Variants in XKR6 observed in about 807,000 individuals in gnomAD.
XKR6 encodes the protein XK related 6.
XKR6 carries 22 observed loss-of-function variants against 56.7 expected under a neutral mutation model. The observed-to-expected ratio is 0.39, with a 90% CI of 0.28 to 0.55. XKR6 has a LOEUF of 0.55. XKR6 is among the 20% of genes least tolerant of loss of function. The probability of loss-of-function intolerance (pLI) is 0.66; values close to 1 mark genes in which losing one functional copy is unlikely to be tolerated. For missense variants in XKR6, 852 were observed against 889.0 expected (o/e 0.96, Z 0.53); for synonymous variants, 524 against 387.8 (o/e 1.35, Z -4.13).
At chr8:11,152,495 G>T (rs1801317407) in intron 1 of XKR6, among the ~76,000 whole-genome samples, 1 of 152,130 alleles carries the variant, frequency 6.6e-6, no homozygotes, top group South Asian at 2.1e-4. Context: ...AAGGGAGAAA[G>T]GAAAATTAAA....
At chr8:11,026,740 G>T (rs1192874807) in intron 1 of XKR6, among the ~76,000 whole-genome samples, 2 of 151,014 alleles carry the variant, frequency 1.3e-5, no homozygotes, top group Non-Finnish European at 2.9e-5. Flanking sequence ...TACACACTTA[G>T]ATGGTCTAGC....
At chr8:11,199,279 T>C (rs1301144299) in intron 1 of XKR6, among the ~76,000 whole-genome samples, 2 of 152,254 alleles carry the variant, frequency 1.3e-5, no homozygotes, top group South Asian at 2.1e-4. Flanking sequence ...GACAAAGTTA[T>C]TGCATCTACT....
intron 1 of XKR6, among the ~76,000 whole-genome samples, chr8:11,043,487 C>A (rs907688895): frequency 1.3e-5 from 2 of 152,226 alleles, no homozygotes; most frequent in East Asian, 3.8e-4. Context: ...TCACGTTTGA[C>A]CTTGAGGAGT....
intron 1 of XKR6, chr8:11,124,064 C>G (rs1799623392): frequency 4.4e-6 from 2 of 454,456 alleles, no homozygotes; most frequent in African/African-American, 2.0e-5. Flanking sequence ...CTTGAGCTCT[C>G]TCTCTCTAGC....
intron 2 of XKR6, among the ~76,000 whole-genome samples, chr8:10,910,347 T>A (rs994337920): frequency 6.6e-6 from 1 of 152,122 alleles, no homozygotes; most frequent in Non-Finnish European, 1.5e-5. Flanking sequence ...TTCCAAAGAA[T>A]TCCCCCTGAG....
intron 1 of XKR6, among the ~76,000 whole-genome samples, chr8:11,021,684 T>G (rs1285112623): frequency 6.6e-6 from 1 of 152,136 alleles, no homozygotes; most frequent in East Asian, 1.9e-4. Flanking sequence ...AGATCATGAC[T>G]GCTATATATT....
At chr8:11,097,124 A>G (rs1798286938) in intron 1 of XKR6, among the ~76,000 whole-genome samples, 1 of 152,214 alleles carries the variant, frequency 6.6e-6, no homozygotes, top group African/African-American at 2.4e-5. Flanking sequence ...GCAACAGGAC[A>G]CTTGCCATCT....
chr8:11,118,772 C>G (rs57551254), intron 1 of XKR6, among the ~76,000 whole-genome samples: 1,639 of 152,220 alleles, frequency 0.011, 8 homozygotes, highest in South Asian at 0.025. Context: ...CCTGGATTCA[C>G]TGATTTTTTG....
intron 1 of XKR6, among the ~76,000 whole-genome samples, chr8:11,084,972 AG>A (rs1447674540): frequency 2.0e-5 from 3 of 152,126 alleles, no homozygotes; most frequent in Non-Finnish European, 4.4e-5. Context: ...CACCATCCCC[AG>A]GGTAAATGCC....
chr8:11,059,609 G>A (rs1456072072), intron 1 of XKR6, among the ~76,000 whole-genome samples: 4 of 151,480 alleles, frequency 2.6e-5, no homozygotes, highest in Non-Finnish European at 5.9e-5. Context: ...GGAGGAGCAG[G>A]GCGCTGGGGG....
chr8:11,054,710 G>A (rs1469792801), intron 1 of XKR6, among the ~76,000 whole-genome samples: 3 of 152,190 alleles, frequency 2.0e-5, no homozygotes, highest in Admixed American at 6.5e-5. Flanking sequence ...ATTCTTGCTG[G>A]TGGGTGGGAA....
intron 1 of XKR6, among the ~76,000 whole-genome samples, chr8:11,086,045 C>T (rs761648089): frequency 1.3e-5 from 2 of 151,724 alleles, no homozygotes; most frequent in Non-Finnish European, 2.9e-5. Context: ...CCGAGTGCCC[C>T]GGAGGACACT....
At position 11,201,169 on chromosome 8, in the gene XKR6, G is replaced by T; in HGVS notation, c.171C>A (p.Cys57Ter). ...EPGESSSMHI[C>*]HCCNTSSCYW... ...AGCACGAGGAGGTGTTGCAGCAGTG[G>T]CAGATGTGCATCGAGCTGCTCTCGC... The change falls in exon 1 of 3, where the codon TGC becomes TGA. Residue 57 changes from cysteine (C) to a stop codon, truncating the protein, a stop_gained. Coordinates refer to ENST00000416569, the MANE Select transcript of XKR6 (RefSeq NM_173683.4). LOFTEE classifies it high-confidence loss of function. 1 of 1,526,304 alleles carries T rather than the reference G, an allele frequency of 6.6e-7. No homozygotes were observed. Among genetic ancestry groups the T allele is most frequent in the Non-Finnish European group, 8.7e-7 (1 of 1,143,448 alleles). 94.5% of individuals were successfully genotyped at this position (1,526,304 alleles called of 1,614,324 possible).
intron 1 of XKR6, among the ~76,000 whole-genome samples, chr8:10,981,094 C>A (rs1797724173): frequency 6.6e-6 from 1 of 152,180 alleles, no homozygotes; most frequent in Non-Finnish European, 1.5e-5. Flanking sequence ...TCTCCCAAAG[C>A]CTTTGTTGTC....
At chr8:10,962,760 G>A (rs542954356) in intron 1 of XKR6, among the ~76,000 whole-genome samples, 1 of 152,100 alleles carries the variant, frequency 6.6e-6, no homozygotes, top group African/African-American at 2.4e-5. Context: ...CAAGTAGCTG[G>A]GATTACAGGC....
At chr8:10,900,490 A>T (rs1054780821) in intron 2 of XKR6, among the ~76,000 whole-genome samples, 2 of 152,194 alleles carry the variant, frequency 1.3e-5, no homozygotes, top group Non-Finnish European at 1.5e-5. Context: ...ATGGTGCAAT[A>T]AAAAAACCTG....
intron 1 of XKR6, among the ~76,000 whole-genome samples, chr8:10,977,198 C>T (rs960427045): frequency 6.6e-6 from 1 of 152,118 alleles, no homozygotes; most frequent in African/African-American, 2.4e-5. Context: ...GTTGTCCAGG[C>T]CAGCACCCTC....
intron 1 of XKR6, among the ~76,000 whole-genome samples, chr8:11,134,858 G>C (rs1321591192): frequency 1.3e-5 from 2 of 151,918 alleles, no homozygotes; most frequent in Non-Finnish European, 2.9e-5. Flanking sequence ...TTAAACTACA[G>C]TACAACCACA....
At chr8:11,162,332 A>C (rs1190316877) in intron 1 of XKR6, among the ~76,000 whole-genome samples, 1 of 152,134 alleles carries the variant, frequency 6.6e-6, no homozygotes, top group Non-Finnish European at 1.5e-5. Context: ...GGCCCTGAAG[A>C]GCTACACTCC....
Sources: gnomAD v4.1 joint callset for allele counts (sites outside exome capture counted in the v4.1 genomes callset) on GRCh38, gnomAD v4.1.1 for gene constraint, MANE v1.5 for transcripts, NCBI Gene and HGNC (gene_info 2026-07-23, HGNC 2026-07-21) for gene names.